SGCZ: variants seen among roughly 807,000 people sequenced by gnomAD.
SGCZ encodes sarcoglycan zeta.
A neutral mutation model predicts 41.3 loss-of-function variants in SGCZ; 40 were observed. The ratio of observed to expected loss-of-function variants is 0.97; its 90% CI spans 0.75 to 1.26. The LOEUF (loss-of-function observed/expected upper bound fraction) is 1.26. SGCZ is among the 50% of genes most tolerant of loss of function. The probability of loss-of-function intolerance (pLI) is 0.00; values close to 1 mark genes in which losing one functional copy is unlikely to be tolerated. For synonymous variants in SGCZ, 206 were observed against 137.5 expected, an observed-to-expected ratio of 1.50 and a Z score of -3.49; for missense variants, 552 against 369.8, an observed-to-expected ratio of 1.49 and a Z score of -4.04.
chr8:14,699,929 G>T (rs548214154), intron 1 of SGCZ, among the ~76,000 whole-genome samples: 1 of 151,868 alleles, frequency 6.6e-6, no homozygotes, highest in Non-Finnish European at 1.5e-5. Context: ...AGTCAAAATC[G>T]TTATTATTAA....
chr8:14,429,816 ATTG>A (rs1799892252), intron 2 of SGCZ, among the ~76,000 whole-genome samples: 3 of 151,746 alleles, frequency 2.0e-5, no homozygotes, highest in Non-Finnish European at 4.4e-5. Context: ...TAATTTATTT[ATTG>A]CCATTTCAAT....
intron 2 of SGCZ, among the ~76,000 whole-genome samples, chr8:14,493,785 C>G (rs1314250302): frequency 1.3e-5 from 2 of 152,048 alleles, no homozygotes; most frequent in African/African-American, 4.8e-5. Flanking sequence ...ATAAGAGTGG[C>G]TTTCATAACA....
chr8:14,563,306 G>T (rs1382746707), intron 1 of SGCZ, among the ~76,000 whole-genome samples: 2 of 152,144 alleles, frequency 1.3e-5, no homozygotes, highest in African/African-American at 4.8e-5. Flanking sequence ...TTCTAAAATG[G>T]AAGTGGAAGA....
At chr8:14,959,521 C>T (rs1800897239) in intron 1 of SGCZ, among the ~76,000 whole-genome samples, 1 of 152,044 alleles carries the variant, frequency 6.6e-6, no homozygotes, top group Non-Finnish European at 1.5e-5. Flanking sequence ...TTAAAATATA[C>T]AAAACAGCTG....
At chr8:14,715,113 G>C (rs754025188) in intron 1 of SGCZ, among the ~76,000 whole-genome samples, 3 of 152,092 alleles carry the variant, frequency 2.0e-5, no homozygotes. Flanking sequence ...ACTTGTCTAC[G>C]ATGCATATTC....
chr8:14,935,810 A>C (rs1370894082), intron 1 of SGCZ, among the ~76,000 whole-genome samples: 1 of 151,900 alleles, frequency 6.6e-6, no homozygotes, highest in Non-Finnish European at 1.5e-5. Context: ...TAGACGAAAG[A>C]TCAAAACAGC....
At chr8:15,004,857 G>T (rs10888094) in intron 1 of SGCZ, among the ~76,000 whole-genome samples, 1 of 149,614 alleles carries the variant, frequency 6.7e-6, no homozygotes, top group East Asian at 2.0e-4. Context: ...AGTGTTTATC[G>T]CAATGAACTG....
At chr8:14,602,202 G>C (rs1330231079) in intron 1 of SGCZ, among the ~76,000 whole-genome samples, 2 of 152,094 alleles carry the variant, frequency 1.3e-5, no homozygotes, top group Non-Finnish European at 2.9e-5. Context: ...GAGCTTCAGA[G>C]AAAATATTAT....
chr8:14,620,682 G>A (rs1408611342), intron 1 of SGCZ, among the ~76,000 whole-genome samples: 1 of 152,140 alleles, frequency 6.6e-6, no homozygotes, highest in East Asian at 1.9e-4. Flanking sequence ...ACAGACACAT[G>A]AAAAAATGCT....
chr8:15,227,486 A>G (rs1801817443), intron 1 of SGCZ, among the ~76,000 whole-genome samples: 1 of 152,232 alleles, frequency 6.6e-6, no homozygotes, highest in African/African-American at 2.4e-5. Flanking sequence ...TTTAGACATT[A>G]GATTACTTAA....
chr8:14,613,862 C>T (rs1169572744), intron 1 of SGCZ, among the ~76,000 whole-genome samples: 1 of 151,804 alleles, frequency 6.6e-6, no homozygotes, highest in Non-Finnish European at 1.5e-5. Context: ...TACATGCTGT[C>T]AATTGAGGTT....
chr8:14,535,889 A>G (rs1325840445), intron 2 of SGCZ, among the ~76,000 whole-genome samples: 6 of 151,922 alleles, frequency 3.9e-5, no homozygotes, highest in Admixed American at 1.3e-4. Flanking sequence ...AAATATTAAC[A>G]TTCAGGGAAT....
intron 1 of SGCZ, among the ~76,000 whole-genome samples, chr8:15,207,552 C>G (rs968944324): frequency 1.3e-5 from 2 of 151,748 alleles, no homozygotes; most frequent in Non-Finnish European, 2.9e-5. Context: ...GCCCACAGGA[C>G]AAGGAGATTT....
chr8:14,964,797 G>A lies in SGCZ; in HGVS notation c.39+272788C>T, dbSNP rs192191173. Reference sequence around the variant, plus strand: ...CTGTCAGTTTCCCATAGTTCTGAATGAGGAATCTGGGGGTGTACCACAGAA... The same window carrying A: ...CTGTCAGTTTCCCATAGTTCTGAATAAGGAATCTGGGGGTGTACCACAGAA... On this transcript the variant is annotated intron_variant, in intron 1 of 7. Coordinates refer to ENST00000382080, the MANE Select transcript of SGCZ (RefSeq NM_139167.4). Among the ~76,000 whole-genome samples, 207 of 152,254 alleles carry A rather than the reference G, an allele frequency of 1.4e-3. 3 individuals are homozygous for A. The highest frequency in any genetic ancestry group is 4.9e-3 in the African/African-American group (202 of 41,542).
At chr8:14,728,201 G>T (rs1478542978) in intron 1 of SGCZ, among the ~76,000 whole-genome samples, 1 of 152,120 alleles carries the variant, frequency 6.6e-6, no homozygotes, top group Non-Finnish European at 1.5e-5. Flanking sequence ...AACACTTGAA[G>T]TCTGTGTTTT....
At chr8:14,399,293 A>G (rs1156875340) in intron 2 of SGCZ, among the ~76,000 whole-genome samples, 1 of 152,090 alleles carries the variant, frequency 6.6e-6, no homozygotes, top group African/African-American at 2.4e-5. Context: ...AATTGCTTAG[A>G]TGACTAGTAA....
At chr8:14,143,834 C>T (rs1490335790) in intron 5 of SGCZ, among the ~76,000 whole-genome samples, 2 of 152,118 alleles carry the variant, frequency 1.3e-5, no homozygotes, top group East Asian at 1.9e-4. Context: ...ACTCTCAGTG[C>T]TGGGTGAGGG....
At chr8:14,830,286 C>A (rs1349639119) in intron 1 of SGCZ, among the ~76,000 whole-genome samples, 3 of 151,518 alleles carry the variant, frequency 2.0e-5, no homozygotes, top group African/African-American at 7.3e-5. Flanking sequence ...CCTTAGTTAA[C>A]ATTTACTGTA....
chr8:14,217,081 A>T (rs1806020525), intron 4 of SGCZ, among the ~76,000 whole-genome samples: 1 of 152,090 alleles, frequency 6.6e-6, no homozygotes. Flanking sequence ...AGGTCAGGGG[A>T]TAGAGACCAT....
Sources: gnomAD v4.1 joint callset for allele counts (sites outside exome capture counted in the v4.1 genomes callset) on GRCh38, gnomAD v4.1.1 for gene constraint, MANE v1.5 for transcripts, NCBI Gene and HGNC (gene_info 2026-07-23, HGNC 2026-07-21) for gene names.